Variants in DNAI2 observed in about 807,000 individuals in gnomAD.
DNAI2 encodes dynein axonemal intermediate chain 2.
DNAI2 carries 63 observed loss-of-function variants against 74.7 expected under a neutral mutation model. The observed-to-expected ratio is 0.84, with a 90% CI of 0.69 to 1.04. The LOEUF (loss-of-function observed/expected upper bound fraction) is 1.04. Among genes scored for constraint, DNAI2 ranks in the 50% least tolerant of loss-of-function variants. The pLI, the probability that DNAI2 is intolerant of heterozygous loss-of-function variation, is 0.00. For missense variants in DNAI2, 688 were observed against 803.2 expected (o/e 0.86, Z 1.73); for synonymous variants, 289 against 314.9 (o/e 0.92, Z 0.87).
Position 74,309,619 on chromosome 17 carries a change from T to C in DNAI2, c.1347+231T>C, listed in dbSNP as rs150001265. 1.8e-3 allele frequency: 1,251 copies of C among 706,388 alleles called. 11 individuals are homozygous for C. In the East Asian group the frequency reaches 0.021, roughly 12 times the overall value. The allele number at this position is 706,388 out of a possible 1,614,324, so 43.8% of individuals were successfully genotyped here. A position where few individuals can be genotyped will look rare whatever the true frequency, so the allele number is the denominator to read the frequency against. ...ATCCTGGTAGCACAACAGAACCACC[T>C]GGGGGAAATTTAAAAAGAAACAAAA... On this transcript the variant is annotated intron_variant, in intron 10 of 13. Coordinates refer to ENST00000311014, the MANE Select transcript of DNAI2 (RefSeq NM_023036.6).
intron 3 of DNAI2, 41 bp from the exon 4 acceptor site, chr17:74,286,936 C>A (rs770578810): frequency 1.2e-6 from 2 of 1,613,328 alleles, no homozygotes; most frequent in East Asian, 4.5e-5. Flanking sequence ...TCTGAAAGGA[C>A]CTCCATTTAC....
intron 6 of DNAI2, among the ~76,000 whole-genome samples, chr17:74,292,321 T>C (rs573010190): frequency 1.4e-4 from 21 of 152,326 alleles, no homozygotes; most frequent in Admixed American, 1.1e-3. Flanking sequence ...TTTTGGTAGT[T>C]TCTGTCTTTC....
rs1323227945 is a variant in DNAI2 at position 74,300,466 on chromosome 17, C to T, written c.865-580C>T. On this transcript the variant is annotated intron_variant, in intron 7 of 13. Coordinates refer to ENST00000311014, the MANE Select transcript of DNAI2 (RefSeq NM_023036.6). This position sits in a 1 kb window ranked among gnomAD's most constrained non-coding sequence, Gnocchi z 4.5. ...TGCACACTTCACACACTATTCTGTA[C>T]TCGATGTTTTCCATTGTGTGTACCT... Among the ~76,000 whole-genome samples, 1 of 152,138 alleles carries T rather than the reference C, an allele frequency of 6.6e-6. No homozygotes were observed. The highest frequency in any genetic ancestry group is 2.4e-5 in the African/African-American group (1 of 41,424).
Position 74,276,377 on chromosome 17 carries a change from G to C in DNAI2, c.-12+2032G>C, listed in dbSNP as rs117482863. Among the ~76,000 whole-genome samples the C allele has an allele frequency of 3.5e-3, 529 of 152,204 alleles. 21 individuals carry two copies. The East Asian group carries it at 0.073, about 21-fold the overall frequency. On this transcript the variant is annotated intron_variant, in intron 1 of 13. Coordinates refer to ENST00000311014, the MANE Select transcript of DNAI2 (RefSeq NM_023036.6). ...CCTCTGGGACTCTAGGTTCCCACGG[G>C]GGGAGGATCTCCCCCCAAAACTCCA...
chr17:74,310,327 GTCCATTTGCCTTTGC>G, intron 11 of DNAI2, among the ~76,000 whole-genome samples, 164 bp downstream of exon 11: 1 of 147,952 alleles, frequency 6.8e-6, no homozygotes, highest in Admixed American at 6.9e-5. Flanking sequence ...GTGTTGGTGT[GTCCATTTGCCTTTGC>G]TCAACTGCTG....
intron 8 of DNAI2, among the ~76,000 whole-genome samples, chr17:74,303,596 ATTTT>A (rs542455902): frequency 7.5e-6 from 1 of 132,802 alleles, no homozygotes; most frequent in African/African-American, 2.8e-5. Flanking sequence ...AGCCAGGCTG[ATTTT>A]TTTTTTTTTT....
chr17:74,275,286 C>T (rs959090332), intron 1 of DNAI2, among the ~76,000 whole-genome samples: 3 of 152,176 alleles, frequency 2.0e-5, no homozygotes, highest in Non-Finnish European at 4.4e-5. Context: ...CTGCCCTCAA[C>T]CTTCACTTTC....
intron 8 of DNAI2, among the ~76,000 whole-genome samples, chr17:74,303,421 C>T (rs746846546): frequency 1.2e-4 from 19 of 152,110 alleles, no homozygotes; most frequent in Admixed American, 4.6e-4. Flanking sequence ...TTGCCCTTGA[C>T]GCCCAACTTG....
At chr17:74,286,435 T>C (rs2051743797) in intron 3 of DNAI2, among the ~76,000 whole-genome samples, 2 of 152,204 alleles carry the variant, frequency 1.3e-5, no homozygotes, top group African/African-American at 4.8e-5. Flanking sequence ...TGTTTGTTGT[T>C]GTTGAGACAG....
intron 2 of DNAI2, among the ~76,000 whole-genome samples, chr17:74,284,164 G>A (rs1268029258): frequency 6.1e-5 from 9 of 147,542 alleles, no homozygotes; most frequent in Non-Finnish European, 1.2e-4. Flanking sequence ...AAGCTGTAGT[G>A]AGTCAAGATC....
In DNAI2 at chr17:74,284,439, G is replaced by T. The variant is rs192330833; in HGVS notation, c.184-601G>T. On this transcript the variant is annotated intron_variant, in intron 2 of 13. Coordinates refer to ENST00000311014, the MANE Select transcript of DNAI2 (RefSeq NM_023036.6). ...TCTTTTTCTTTTTTTTTGAGACGGA[G>T]TCTCGCTCTGTCGCCCAGGCTGGAG... 4.3e-3 allele frequency among the ~76,000 whole-genome samples: 653 copies of T among 152,144 alleles called. 2 individuals carry two copies. Among genetic ancestry groups the T allele is most frequent in the African/African-American group, 0.015 (605 of 41,508 alleles).
intron 2 of DNAI2, among the ~76,000 whole-genome samples, chr17:74,283,035 C>T (rs565981893): frequency 1.3e-5 from 2 of 152,218 alleles, no homozygotes; most frequent in Non-Finnish European, 2.9e-5. Flanking sequence ...TCCAGCAGCT[C>T]TGCCTTTTCC....
intron 6 of DNAI2, among the ~76,000 whole-genome samples, chr17:74,296,931 C>T (rs1431014894): frequency 1.3e-5 from 2 of 152,190 alleles, no homozygotes; most frequent in African/African-American, 2.4e-5. Flanking sequence ...TAAACATTCT[C>T]CCGACTGCCC....
chr17:74,281,976 C>G lies in DNAI2; in HGVS notation c.159C>G (p.Cys53Trp), dbSNP rs141118738. ...ERNPVDTGIQ[C>W]SISMSEHEAN... The stretch of plus-strand genomic sequence containing the variant: ...ACCCAGTGGACACGGGCATCCAGTG[C>G]TCGATCAGCATGTCGGAACACGAGG... Residue 53 changes from cysteine to tryptophan, a missense_variant, in exon 2 of 14, where the codon TGC becomes TGG. Cys to Trp is a radical substitution (Grantham distance 215). Transcript: ENST00000311014. 10 of 1,614,118 alleles carry G rather than the reference C, an allele frequency of 6.2e-6. No individual in the cohort carries two copies. Among genetic ancestry groups the G allele is most frequent in the South Asian group, 2.2e-5 (2 of 91,084 alleles).
intron 4 of DNAI2, among the ~76,000 whole-genome samples, chr17:74,288,045 C>T (rs376412921): frequency 6.1e-4 from 93 of 152,176 alleles, no homozygotes; most frequent in African/African-American, 1.9e-3. Context: ...AAAACAAAGC[C>T]GGTGCAGAAC....
At chr17:74,282,449 C>G (rs2051451002) in intron 2 of DNAI2, among the ~76,000 whole-genome samples, 1 of 152,190 alleles carries the variant, frequency 6.6e-6, no homozygotes, top group South Asian at 2.1e-4. Context: ...TACAGGTGTG[C>G]ACCACCACGC....
intron 6 of DNAI2, among the ~76,000 whole-genome samples, chr17:74,299,430 C>T (rs974573390): frequency 5.9e-5 from 9 of 152,166 alleles, no homozygotes; most frequent in Non-Finnish European, 8.8e-5. Flanking sequence ...GTTCCCCTGC[C>T]ACTATGCCTG....
chr17:74,286,539 G>C (rs1446193666), intron 3 of DNAI2, among the ~76,000 whole-genome samples: 1 of 151,874 alleles, frequency 6.6e-6, no homozygotes, highest in African/African-American at 2.4e-5. Context: ...TCCTGCCTCA[G>C]CCTCCCAAGT....
At chr17:74,298,091 A>T (rs929796891) in intron 6 of DNAI2, among the ~76,000 whole-genome samples, 1 of 152,132 alleles carries the variant, frequency 6.6e-6, no homozygotes, top group East Asian at 1.9e-4. Context: ...ACTGAGGCAG[A>T]GCCACTTTGC....
Sources: allele counts gnomAD v4.1 joint callset (sites outside exome capture counted in the v4.1 genomes callset), GRCh38; gene constraint gnomAD v4.1.1; non-coding constraint Gnocchi (gnomAD v3.1); transcripts MANE v1.5; gene names NCBI Gene and HGNC (gene_info 2026-07-23, HGNC 2026-07-21).